The following AKAP13 variants were observed in gnomAD, a reference collection of about 807,000 sequenced individuals.
AKAP13 encodes the protein A-kinase anchoring protein 13.
A neutral mutation model predicts 264.5 loss-of-function variants in AKAP13; 80 were observed. The ratio of observed to expected loss-of-function variants is 0.30; its 90% CI spans 0.25 to 0.36. The LOEUF (loss-of-function observed/expected upper bound fraction) is 0.36. Among genes scored for constraint, AKAP13 ranks in the 10% least tolerant of loss-of-function variants. The pLI is 1.00. For missense variants in AKAP13, 3,712 were observed against 3,435.2 expected, an observed-to-expected ratio of 1.08 and a Z score of -2.01; for synonymous variants, 1,380 against 1,250.2, an observed-to-expected ratio of 1.10 and a Z score of -2.19.
intron 8 of AKAP13, among the ~76,000 whole-genome samples, chr15:85,604,665 T>C (rs1226195563): frequency 3.3e-5 from 5 of 152,124 alleles, no homozygotes; most frequent in Non-Finnish European, 7.4e-5. Flanking sequence ...GGTTTCACCA[T>C]GTTGGTCAGG....
At position 85,580,708 on chromosome 15, in the gene AKAP13, C is replaced by G; in HGVS notation, c.2640C>G (p.Ile880Met). The change falls in exon 7 of 37, where the codon ATC becomes ATG. Residue 880 changes from isoleucine (I) to methionine (M), a missense_variant. Physicochemically the swap from Ile to Met is conservative, Grantham distance 10. Transcript: ENST00000394518. ...ATGAGGGTCCCGCCCCTCCAGCAAT[C>G]CCAGAAGCTCTGAATATCAAGGGGA... ...GEHEGPAPPAIPEALNIKGNT... is the reference protein window; with the variant it reads ...GEHEGPAPPAMPEALNIKGNT... 1 of 1,614,158 alleles carries G rather than the reference C, an allele frequency of 6.2e-7. No individual in the cohort carries two copies. Among genetic ancestry groups the G allele is most frequent in the South Asian group, 1.1e-5 (1 of 91,076 alleles).
intron 18 of AKAP13, among the ~76,000 whole-genome samples, chr15:85,710,102 A>T (rs1209012239): frequency 2.0e-5 from 3 of 152,248 alleles, no homozygotes; most frequent in Non-Finnish European, 4.4e-5. Flanking sequence ...CAACGAAAGT[A>T]TTAACTAAAA....
rs745551996 is a variant in AKAP13, at chr15:85,533,589, G to A, written c.187G>A (p.Asp63Asn). Residue 63 changes from aspartate (D) to asparagine (N), a missense_variant, in exon 4 of 37, where the codon GAT (aspartate) becomes AAT (asparagine). Coordinates refer to ENST00000394518, the MANE Select transcript of AKAP13 (RefSeq NM_007200.5). ...GCTGCCTGTGTTTCCTTTAGGTCAT[G>A]ATTGTTGTGAAACAGTGAAGGTGCA... is the stretch of plus-strand genomic sequence containing the variant. ...DTLETIAPGH[D>N]CCETVKVQLC... 3.7e-6 allele frequency: 6 copies of A among 1,606,992 alleles called. No individual in the cohort carries two copies. In the African/African-American group the frequency reaches 5.4e-5, roughly 14 times the overall value.
intron 1 of AKAP13, among the ~76,000 whole-genome samples, chr15:85,483,642 A>AAAAAAAAAAAAC (rs2075424810): frequency 6.9e-6 from 1 of 145,198 alleles, no homozygotes; most frequent in African/African-American, 2.5e-5. Context: ...CAAAAAAAAA[A>AAAAAAAAAAAAC]AAAAAAAAAC....
At chr15:85,731,834 C>T (rs2151754040) in intron 30 of AKAP13, among the ~76,000 whole-genome samples, 1 of 152,168 alleles carries the variant, frequency 6.6e-6, no homozygotes, top group East Asian at 1.9e-4. Flanking sequence ...ATAATCCCAG[C>T]ATTTTGGGAG....
At chr15:85,382,746 G>A (rs1198596362) in intron 1 of AKAP13, among the ~76,000 whole-genome samples, 1 of 152,206 alleles carries the variant, frequency 6.6e-6, no homozygotes, top group Non-Finnish European at 1.5e-5. Context: ...CTTGAGGGCT[G>A]TGATAGACCT....
intron 16 of AKAP13, among the ~76,000 whole-genome samples, chr15:85,691,234 GT>G (rs1282985712): frequency 6.6e-6 from 1 of 152,160 alleles, no homozygotes; most frequent in Non-Finnish European, 1.5e-5. Flanking sequence ...CTCTTACCTT[GT>G]GAATGGTAGG....
chr15:85,567,946 GTGT>G (rs2078666809), intron 5 of AKAP13, among the ~76,000 whole-genome samples: 1 of 99,740 alleles, frequency 1.0e-5, no homozygotes, highest in South Asian at 2.9e-4. Context: ...AAAGAGGTGT[GTGT>G]GTGTGTGTGT....
At chr15:85,682,314 G>A (rs1295107418) in intron 15 of AKAP13, 102 bp downstream of exon 15, 1 of 1,206,622 alleles carries the variant, frequency 8.3e-7, no homozygotes, top group Non-Finnish European at 1.2e-6. Flanking sequence ...GAGCTTATTG[G>A]GTTCTTCTTT....
chr15:85,628,417 A>G (rs1242343376), intron 8 of AKAP13, among the ~76,000 whole-genome samples: 1 of 152,146 alleles, frequency 6.6e-6, no homozygotes, highest in African/African-American at 2.4e-5. Flanking sequence ...AGATTTCCCA[A>G]TCCTGGTGCA....
At chr15:85,559,015 G>T (rs1398735540) in intron 5 of AKAP13, among the ~76,000 whole-genome samples, 1 of 151,122 alleles carries the variant, frequency 6.6e-6, no homozygotes, top group Non-Finnish European at 1.5e-5. Context: ...TCTGTCATCG[G>T]TTTGAAATTA....
At chr15:85,722,466 G>A in intron 25 of AKAP13, 119 bp downstream of exon 25, 1 of 831,876 alleles carries the variant, frequency 1.2e-6, no homozygotes, top group African/African-American at 1.7e-5. Flanking sequence ...AAGAGACCTT[G>A]TGTTTTATCT....
chr15:85,695,233 C>T (rs555548842), intron 17 of AKAP13, among the ~76,000 whole-genome samples: 1 of 152,140 alleles, frequency 6.6e-6, no homozygotes, highest in Non-Finnish European at 1.5e-5. Flanking sequence ...GGCGAAACCC[C>T]GTCTCTACTA....
chr15:85,645,943 A>G lies in AKAP13; in HGVS notation c.4363A>G (p.Ile1455Val). The change falls in exon 10 of 37, where the codon ATC becomes GTC. Residue 1455 changes from isoleucine (I) to valine (V), a missense_variant. Ile to Val is a conservative substitution (Grantham distance 29). Transcript: ENST00000394518. The part of the protein sequence containing the change: ...HSPSDDMDSI[I>V]FPKPEEEHLA... ...ACCCAGTGATGACATGGACAGCATC[A>G]TCTTCCCAAAGGTACTGTGTGGACC... 1 of 1,613,418 alleles carries G rather than the reference A, an allele frequency of 6.2e-7. No individual in the cohort carries two copies. The highest frequency in any genetic ancestry group is 8.5e-7 in the Non-Finnish European group (1 of 1,179,864).
rs1352171448 is a variant in AKAP13 at position 85,748,114 on chromosome 15, C to T, written c.*3437C>T. 2 of 152,200 alleles carry T rather than the reference C, an allele frequency of 1.3e-5. No homozygotes were observed. The highest frequency in any genetic ancestry group is 6.5e-5 in the Admixed American group (1 of 15,274). The allele number at this position is 152,200 out of a possible 1,614,324, so 9.4% of individuals were successfully genotyped here. ...TATTTCATCATTTTTGTTTCTAGGG[C>T]TCTTTTTCTGTAGCCAGGTCTTCCC... On this transcript the variant is annotated 3_prime_UTR_variant, in exon 37 of 37. Coordinates refer to ENST00000394518, the MANE Select transcript of AKAP13 (RefSeq NM_007200.5).
intron 5 of AKAP13, among the ~76,000 whole-genome samples, chr15:85,554,951 C>A (rs2078089447): frequency 6.6e-6 from 1 of 152,154 alleles, no homozygotes; most frequent in Non-Finnish European, 1.5e-5. Flanking sequence ...ACAGTAGTTG[C>A]TTCAAGGATG....
At chr15:85,619,291 G>A (rs1156342110) in intron 8 of AKAP13, 2 of 889,538 alleles carry the variant, frequency 2.2e-6, no homozygotes, top group Middle Eastern at 1.1e-3. Context: ...AGCTGAAAGG[G>A]CAAGCAGTGA....
intron 13 of AKAP13, among the ~76,000 whole-genome samples, chr15:85,667,081 A>C (rs1343358827): frequency 6.6e-6 from 1 of 152,226 alleles, no homozygotes; most frequent in African/African-American, 2.4e-5. Context: ...AGTTTGAGGC[A>C]AGAATCTAAT....
intron 1 of AKAP13, among the ~76,000 whole-genome samples, chr15:85,386,105 G>T (rs568319021): frequency 1.3e-5 from 2 of 152,026 alleles, no homozygotes; most frequent in African/African-American, 4.8e-5. Context: ...GATTACAGGC[G>T]CGAGCCACTG....
Sources: allele counts gnomAD v4.1 joint callset (sites outside exome capture counted in the v4.1 genomes callset), GRCh38; gene constraint gnomAD v4.1.1; transcripts MANE v1.5; gene names NCBI Gene and HGNC (gene_info 2026-07-23, HGNC 2026-07-21).